Variants in TECTA observed in about 807,000 individuals in gnomAD.
The protein encoded by TECTA is tectorin alpha, also known as alpha-tectorin.
Under a neutral mutation model 216.8 loss-of-function variants are expected in TECTA, and 128 were observed. The ratio of observed to expected loss-of-function variants is 0.59; its 90% confidence interval spans 0.51 to 0.68. The LOEUF (loss-of-function observed/expected upper bound fraction) is 0.68, where lower values mean the gene tolerates loss of function less well. TECTA is among the 30% of genes least tolerant of loss of function. The pLI, the probability that TECTA is intolerant of heterozygous loss-of-function variation, is 0.00. For missense variants in TECTA, 2,551 were observed against 2,786.2 expected (o/e 0.92, Z 1.90); for synonymous variants, 1,089 against 1,117.1 (o/e 0.97, Z 0.50).
At chr11:121,122,432 T>A (rs1428139529) in intron 7 of TECTA, among the ~76,000 whole-genome samples, 1 of 152,108 alleles carries the variant, frequency 6.6e-6, no homozygotes, top group Admixed American at 6.5e-5. Context: ...GAAATAAATT[T>A]CAGTTGTTTA....
rs1946748695 is a variant in TECTA, at chr11:121,137,984, A to G, written c.3505A>G (p.Ser1169Gly). The G allele has an allele frequency of 6.2e-7, 1 of 1,613,574 alleles. No homozygotes were observed. The highest frequency in any genetic ancestry group is 1.1e-5 in the South Asian group (1 of 91,074). Residue 1169 changes from serine (S) to glycine (G), a missense_variant, in exon 11 of 24, where the codon AGC (serine) becomes GGC (glycine). This residue lies in a region of TECTA where 2,375 missense variants were observed against 2,563.9 expected (regional missense o/e 0.93). Transcript: ENST00000392793. Reference sequence around the variant, plus strand: ...GGTGGACGTGACCGTGTTTGGCTACAGCATCGTGATCCACCGAGCTTACAA... The same window carrying G: ...GGTGGACGTGACCGTGTTTGGCTACGGCATCGTGATCCACCGAGCTTACAA... ...KQVDVTVFGY[S>G]IVIHRAYKHT...
In TECTA at chr11:121,130,242, T is replaced by C. The variant is rs750268427; in HGVS notation, c.2941+31T>C. On this transcript the variant is annotated intron_variant, in intron 10 of 23. Coordinates refer to ENST00000392793, the MANE Select transcript of TECTA (RefSeq NM_005422.4). ...TTGGGGTTGGATTCTGGGAGAGGCT[T>C]TCTAGCTGGGAAATAGGTGCCATGC... 12 of 1,597,026 alleles carry C rather than the reference T, an allele frequency of 7.5e-6. No individual in the cohort carries two copies. In the African/African-American group the frequency reaches 8.0e-5, roughly 11 times the overall value.
chr11:121,142,373 C>T (rs1254697505), intron 11 of TECTA, among the ~76,000 whole-genome samples: 1 of 152,138 alleles, frequency 6.6e-6, no homozygotes, highest in Non-Finnish European at 1.5e-5. Flanking sequence ...CTCCATTTCT[C>T]ACTCACAGAG....
intron 10 of TECTA, among the ~76,000 whole-genome samples, chr11:121,136,115 C>T (rs997577745): frequency 6.6e-5 from 10 of 152,222 alleles, no homozygotes; most frequent in South Asian, 2.1e-4. Context: ...TGTACCACCA[C>T]GCCTGGCTAA....
At chr11:121,148,312 G>A (rs191811771) in intron 12 of TECTA, among the ~76,000 whole-genome samples, 159 of 152,280 alleles carry the variant, frequency 1.0e-3, no homozygotes, top group African/African-American at 3.4e-3. Flanking sequence ...CTTCCCTACC[G>A]TGGCATTTCA....
chr11:121,126,648 G>A (rs1946615021), intron 8 of TECTA, among the ~76,000 whole-genome samples: 1 of 152,198 alleles, frequency 6.6e-6, no homozygotes, highest in Admixed American at 6.5e-5. Flanking sequence ...TGCTAGGGAG[G>A]TGAGAAGATT....
Position 121,125,286 on chromosome 11 carries a change from T to G in TECTA, c.1204-16T>G. The G allele has an allele frequency of 1.2e-6, 2 of 1,610,618 alleles. No homozygotes were observed. Among genetic ancestry groups the G allele is most frequent in the Non-Finnish European group, 1.7e-6 (2 of 1,179,804 alleles). ...GCACCTGCTCACCTGCCTTTCACTATTACTGTTGTTGGCAGGTTAATGACC... is the reference window on the plus strand; with the variant it reads ...GCACCTGCTCACCTGCCTTTCACTAGTACTGTTGTTGGCAGGTTAATGACC... On this transcript the variant is annotated splice_polypyrimidine_tract_variant and intron_variant, in intron 7 of 23. Transcript: ENST00000392793.
rs1391921221 is a variant in TECTA, at chr11:121,127,691, G to T, written c.1775-61G>T. ...ATCCAGGAGGAGCGTTAAGATTCTG[G>T]CGGGTTAGCACTCCGGGTCCATTCA... On this transcript the variant is annotated intron_variant, in intron 8 of 23. Coordinates refer to ENST00000392793, the MANE Select transcript of TECTA (RefSeq NM_005422.4). This position sits in a 1 kb window ranked among gnomAD's most constrained non-coding sequence, Gnocchi z 5.0. The T allele has an allele frequency of 1.3e-6, 2 of 1,582,184 alleles. No homozygotes were observed. Among genetic ancestry groups the T allele is most frequent in the African/African-American group, 2.7e-5 (2 of 74,222 alleles).
chr11:121,170,282 C>G (rs1947097803), intron 20 of TECTA, among the ~76,000 whole-genome samples: 1 of 152,142 alleles, frequency 6.6e-6, no homozygotes, highest in Non-Finnish European at 1.5e-5. Flanking sequence ...GATTCCATAT[C>G]TTGGCTATTG....
chr11:121,153,380 T>C (rs1459280034), intron 13 of TECTA, among the ~76,000 whole-genome samples: 1 of 152,216 alleles, frequency 6.6e-6, no homozygotes, highest in East Asian at 1.9e-4. Flanking sequence ...TGTCGTGCCT[T>C]TCTCTGATTT....
At chr11:121,146,220 A>T in intron 12 of TECTA, 104 bp downstream of exon 12, 4 of 1,386,988 alleles carry the variant, frequency 2.9e-6, no homozygotes, top group Non-Finnish European at 4.0e-6. Context: ...ATTGAGTAGC[A>T]ATTTAAGGAT....
intron 10 of TECTA, among the ~76,000 whole-genome samples, chr11:121,132,980 C>T (rs1270128922): frequency 3.3e-5 from 5 of 152,208 alleles, no homozygotes; most frequent in South Asian, 4.1e-4. Flanking sequence ...GATCCACCCA[C>T]CTTGGTGTCC....
intron 3 of TECTA, among the ~76,000 whole-genome samples, chr11:121,107,388 A>G (rs998617100): frequency 1.3e-5 from 2 of 152,176 alleles, no homozygotes; most frequent in Non-Finnish European, 2.9e-5. Flanking sequence ...TGAGTAGTGC[A>G]GTTTTCTTCA....
At position 121,129,663 on chromosome 11, in the gene TECTA, CT is replaced by C. The variant is rs1468171008; in HGVS notation, c.2399del (p.Phe800SerfsTer24). ...TTGAATGGTCAGGAAGTGGAATTGC[CT>C]TTTTTCCATCCTTCGGGGAAGCTGG... Reference protein sequence around the residue: ...VKLNGQEVELPFFHPSGKLEI... With the variant: ...VKLNGQEVELXFFHPSGKLEI... On this transcript the variant is annotated frameshift_variant, in exon 10 of 24. Coordinates refer to ENST00000392793, the MANE Select transcript of TECTA (RefSeq NM_005422.4). LOFTEE classifies it high-confidence loss of function. The C allele has an allele frequency of 7.4e-6, 12 of 1,614,162 alleles. No individual in the cohort carries two copies. Among genetic ancestry groups the C allele is most frequent in the Non-Finnish European group, 9.3e-6 (11 of 1,180,016 alleles).
chr11:121,141,515 G>A (rs1283744938), intron 11 of TECTA, among the ~76,000 whole-genome samples: 1 of 152,196 alleles, frequency 6.6e-6, no homozygotes, highest in Admixed American at 6.5e-5. Flanking sequence ...AGGGGGGTGA[G>A]CTGCAGAAGG....
chr11:121,148,062 A>T (rs4436552), intron 12 of TECTA, among the ~76,000 whole-genome samples: 41,480 of 152,016 alleles, frequency 0.27, 7,159 homozygotes, highest in African/African-American at 0.49. Context: ...CCCTTCTACC[A>T]GGAACCCTTT....
At position 121,130,105 on chromosome 11, in the gene TECTA, G is replaced by A. The variant is rs371290564; in HGVS notation, c.2835G>A (p.Gln945=). The A allele has an allele frequency of 4.3e-5, 69 of 1,613,304 alleles. No homozygotes were observed. Among genetic ancestry groups the A allele is most frequent in the Non-Finnish European group, 5.8e-5 (68 of 1,180,038 alleles). ...YYRTCLFRLC[Q]SGGNESELCD... Reference sequence around the variant, plus strand: ...GCACCTGCCTTTTCCGCCTGTGCCAGAGTGGGGGCAATGAGTCAGAGCTCT... The same window carrying A: ...GCACCTGCCTTTTCCGCCTGTGCCAAAGTGGGGGCAATGAGTCAGAGCTCT... Residue 945 remains glutamine (Q), a synonymous_variant, in exon 10 of 24, where the codon CAG becomes CAA. Transcript: ENST00000392793.
intron 10 of TECTA, among the ~76,000 whole-genome samples, chr11:121,134,831 G>A (rs959023464): frequency 3.9e-5 from 6 of 152,166 alleles, no homozygotes; most frequent in South Asian, 2.1e-4. Flanking sequence ...TGGTAGCGTC[G>A]TGTGTGCCAA....
rs916399601 is a variant in TECTA at position 121,160,123 on chromosome 11, C to T, written c.4690-12C>T. The T allele has an allele frequency of 1.2e-6, 2 of 1,614,108 alleles. No individual in the cohort carries two copies. The highest frequency in any genetic ancestry group is 1.7e-6 in the Non-Finnish European group (2 of 1,180,024). ...CTAAGCGTAATTATTTTCTTTTTTC[C>T]TCCTCCAATAGGTGAATGGCACACA... On this transcript the variant is annotated splice_polypyrimidine_tract_variant and intron_variant, in intron 14 of 23. Transcript: ENST00000392793.
Sources: gnomAD v4.1 joint callset for allele counts (sites outside exome capture counted in the v4.1 genomes callset) on GRCh38, gnomAD v4.1.1 for gene constraint, gnomAD v4.1.1 regional missense constraint, Gnocchi (gnomAD v3.1) non-coding constraint, MANE v1.5 for transcripts, NCBI Gene and HGNC (gene_info 2026-07-23, HGNC 2026-07-21) for gene names.